Variants in RBM33 observed in about 807,000 individuals in gnomAD.
RBM33 encodes RNA binding motif protein 33.
Under a neutral mutation model 132.6 loss-of-function variants are expected in RBM33, and 28 were observed. That is an observed-to-expected ratio of 0.21 (90% CI 0.16 to 0.29). The LOEUF is 0.29. RBM33 is among the 10% of genes least tolerant of loss of function. RBM33 has a pLI of 1.00. For synonymous variants in RBM33, 634 were observed against 593.0 expected (o/e 1.07, Z -1.01); for missense variants, 1,291 against 1,518.5 (o/e 0.85, Z 2.49).
chr7:155,668,816 A>G (rs1261370340), intron 2 of RBM33, among the ~76,000 whole-genome samples: 1 of 152,016 alleles, frequency 6.6e-6, no homozygotes, highest in African/African-American at 2.4e-5. Flanking sequence ...TGTTGAATCC[A>G]TTGTCGTTTC....
At chr7:155,651,701 TCTC>T (rs1798360677) in intron 1 of RBM33, among the ~76,000 whole-genome samples, 2 of 152,110 alleles carry the variant, frequency 1.3e-5, no homozygotes. Context: ...ACTTGCCTCT[TCTC>T]GGCTACCCAA....
At chr7:155,740,361 T>C (rs1374896892) in intron 12 of RBM33, among the ~76,000 whole-genome samples, 1 of 152,226 alleles carries the variant, frequency 6.6e-6, no homozygotes, top group Non-Finnish European at 1.5e-5. Flanking sequence ...GTAGTCACTT[T>C]CCCTTTACCA....
At chr7:155,699,726 T>A (rs1799905323) in intron 5 of RBM33, among the ~76,000 whole-genome samples, 1 of 152,200 alleles carries the variant, frequency 6.6e-6, no homozygotes, top group South Asian at 2.1e-4. Flanking sequence ...AGTGTGCATT[T>A]GTAGTTGGTC....
At chr7:155,743,384 T>A (rs1801413026) in intron 13 of RBM33, among the ~76,000 whole-genome samples, 1 of 152,254 alleles carries the variant, frequency 6.6e-6, no homozygotes, top group African/African-American at 2.4e-5. Context: ...GGAAGTTGCC[T>A]TTCAGGCATC....
At chr7:155,717,900 A>G (rs2885496) in intron 8 of RBM33, among the ~76,000 whole-genome samples, 9,807 of 152,144 alleles carry the variant, frequency 0.064, 477 homozygotes, top group African/African-American at 0.14. Context: ...GTTTGTGAGC[A>G]TTTTCTCCAA....
intron 14 of RBM33, among the ~76,000 whole-genome samples, chr7:155,748,078 C>T (rs1424777987): frequency 6.6e-6 from 1 of 152,214 alleles, no homozygotes; most frequent in African/African-American, 2.4e-5. Context: ...GAGCCGAGGG[C>T]TGAGCAGACC....
In RBM33 at chr7:155,741,980, C is replaced by T. The variant is rs771905044; in HGVS notation, c.2211C>T (p.Ile737=). The change falls in exon 13 of 18, where the codon ATC becomes ATT. Residue 737 remains isoleucine, a synonymous_variant. Transcript: ENST00000401878. ...CGCCCTCAGCACAAGTGAAACCTAT[C>T]GTCAGCGCGTCACCACCCTCGCGGG... The part of the protein sequence containing the change: ...SATPSAQVKP[I]VSASPPSRAV... 6.8e-6 allele frequency: 11 copies of T among 1,613,998 alleles called. No homozygotes were observed. The highest frequency in any genetic ancestry group is 6.6e-5 in the South Asian group (6 of 91,078).
chr7:155,774,911 G>C lies in RBM33; in HGVS notation c.3465-82G>C. Reference sequence around the variant, plus strand: ...GTTTTTATTAAACAGGACCCACCGGGCTCTTTTAGTTTCCTCCCACCTTGG... The same window carrying C: ...GTTTTTATTAAACAGGACCCACCGGCCTCTTTTAGTTTCCTCCCACCTTGG... On this transcript the variant is annotated intron_variant, in intron 17 of 17. Transcript: ENST00000401878. The surrounding 1 kb of genome is among the most constrained non-coding windows in gnomAD (Gnocchi z 4.2). The C allele has an allele frequency of 6.4e-6, 8 of 1,257,914 alleles. No individual in the cohort carries two copies. The highest frequency in any genetic ancestry group is 9.3e-6 in the Non-Finnish European group (8 of 859,686). The allele number at this position is 1,257,914 out of a possible 1,614,324, so 77.9% of individuals were successfully genotyped here. A position where few individuals can be genotyped will look rare whatever the true frequency, so the allele number is the denominator to read the frequency against.
intron 5 of RBM33, among the ~76,000 whole-genome samples, chr7:155,682,813 G>A (rs1216973332): frequency 1.3e-5 from 2 of 152,148 alleles, no homozygotes; most frequent in Non-Finnish European, 2.9e-5. Flanking sequence ...TCCAAGTGAG[G>A]AATTTCCCTC....
At chr7:155,696,608 G>C (rs1218165382) in intron 5 of RBM33, among the ~76,000 whole-genome samples, 1 of 152,138 alleles carries the variant, frequency 6.6e-6, no homozygotes, top group Non-Finnish European at 1.5e-5. Flanking sequence ...AATCAGAAAT[G>C]GGTATTGAAT....
intron 14 of RBM33, among the ~76,000 whole-genome samples, chr7:155,760,522 A>G (rs1801999721): frequency 6.6e-6 from 1 of 152,146 alleles, no homozygotes; most frequent in Non-Finnish European, 1.5e-5. Context: ...AAGAGGAGGA[A>G]TGTTTTCAGT....
chr7:155,688,057 T>C (rs1799528736), intron 5 of RBM33, among the ~76,000 whole-genome samples: 1 of 152,196 alleles, frequency 6.6e-6, no homozygotes, highest in Admixed American at 6.5e-5. Flanking sequence ...ATCTATAAAT[T>C]ACCTTGGACA....
chr7:155,723,304 C>T (rs926390447), intron 9 of RBM33, among the ~76,000 whole-genome samples: 3 of 152,170 alleles, frequency 2.0e-5, no homozygotes, highest in African/African-American at 4.8e-5. Flanking sequence ...TTACAACATG[C>T]TTGCAATGCC....
chr7:155,645,226 T>C, intron 1 of RBM33: 1 of 328,570 alleles, frequency 3.0e-6, no homozygotes, highest in Non-Finnish European at 5.6e-6. Flanking sequence ...GCCGGCCTGG[T>C]GTCCTATGGG....
intron 14 of RBM33, among the ~76,000 whole-genome samples, chr7:155,757,243 T>C (rs1425556616): frequency 6.6e-6 from 1 of 152,178 alleles, no homozygotes; most frequent in Non-Finnish European, 1.5e-5. Flanking sequence ...AACCTAGGAA[T>C]GTGTATGCTA....
chr7:155,777,385 C>T lies in RBM33; in HGVS notation c.*2344C>T, dbSNP rs1391390051. 2.0e-5 allele frequency: 3 copies of T among 152,214 alleles called. No individual in the cohort carries two copies. The highest frequency in any genetic ancestry group is 6.5e-5 in the Admixed American group (1 of 15,276). 9.4% of individuals were successfully genotyped at this position (152,214 alleles called of 1,614,324 possible). A position where few individuals can be genotyped will look rare whatever the true frequency, so the allele number is the denominator to read the frequency against. ...AAGCGCTGATTAGAACAGTCCAACACAGTCCGACCTCACTCAATACCCACA... is the reference window on the plus strand; with the variant it reads ...AAGCGCTGATTAGAACAGTCCAACATAGTCCGACCTCACTCAATACCCACA... On this transcript the variant is annotated 3_prime_UTR_variant, in exon 18 of 18. Coordinates refer to ENST00000401878, the MANE Select transcript of RBM33 (RefSeq NM_053043.3).
chr7:155,706,795 C>T, intron 6 of RBM33, 65 bp from the exon 7 acceptor site: 2 of 1,308,776 alleles, frequency 1.5e-6, no homozygotes, highest in Non-Finnish European at 2.1e-6. Context: ...CTTTCCTGTT[C>T]TCTCCCTAGA....
chr7:155,668,212 CACTT>C (rs1284767735), intron 2 of RBM33, among the ~76,000 whole-genome samples: 4 of 152,198 alleles, frequency 2.6e-5, no homozygotes, highest in Admixed American at 1.3e-4. Context: ...AGTATACTGT[CACTT>C]ACACAGTGTG....
At chr7:155,772,170 A>C (rs1314863404) in intron 16 of RBM33, among the ~76,000 whole-genome samples, 1 of 139,628 alleles carries the variant, frequency 7.2e-6, no homozygotes, top group Non-Finnish European at 1.7e-5. Context: ...GTGTTGTTTA[A>C]ACCCCCCAGG....
Sources: gnomAD v4.1 joint callset for allele counts (sites outside exome capture counted in the v4.1 genomes callset) on GRCh38, gnomAD v4.1.1 for gene constraint, Gnocchi (gnomAD v3.1) non-coding constraint, MANE v1.5 for transcripts, NCBI Gene and HGNC (gene_info 2026-07-23, HGNC 2026-07-21) for gene names.